Variants in TENM4 observed in about 807,000 individuals in gnomAD.
The protein encoded by TENM4 is teneurin-4.
In TENM4, 82 loss-of-function variants were observed where a neutral mutation model predicts 243.3. That is an observed-to-expected ratio of 0.34 (90% CI 0.28 to 0.40). TENM4 has a LOEUF of 0.40. Ranked by LOEUF, TENM4 falls within the 10% of genes least tolerant of loss-of-function variation. The pLI is 1.00. For synonymous variants in TENM4, 1,412 were observed against 1,456.3 expected, an observed-to-expected ratio of 0.97 and a Z score of 0.69; for missense variants, 3,138 against 3,673.3, an observed-to-expected ratio of 0.85 and a Z score of 3.77.
At chr11:79,009,708 G>A (rs1030372931) in intron 6 of TENM4, among the ~76,000 whole-genome samples, 1 of 152,192 alleles carries the variant, frequency 6.6e-6, no homozygotes, top group African/African-American at 2.4e-5. Context: ...AGAGAGGGCA[G>A]GGACTTGACC....
At chr11:78,993,657 C>T (rs981328273) in intron 6 of TENM4, among the ~76,000 whole-genome samples, 2 of 151,818 alleles carry the variant, frequency 1.3e-5, no homozygotes, top group Admixed American at 6.6e-5. Flanking sequence ...CTGTTAAACC[C>T]AACAGTGAAC....
At chr11:79,223,291 C>A (rs1864199811) in intron 2 of TENM4, among the ~76,000 whole-genome samples, 1 of 152,152 alleles carries the variant, frequency 6.6e-6, no homozygotes, top group Admixed American at 6.5e-5. Flanking sequence ...TGCTAAAAAG[C>A]AGCCTGATGA....
intron 12 of TENM4, among the ~76,000 whole-genome samples, chr11:78,817,228 A>T (rs1857625903): frequency 6.6e-6 from 1 of 151,584 alleles, no homozygotes; most frequent in Admixed American, 6.5e-5. Context: ...AGGTGGCGGC[A>T]TTTATAGCAG....
chr11:79,149,557 A>AC (rs1485820882), intron 3 of TENM4, among the ~76,000 whole-genome samples: 1 of 151,828 alleles, frequency 6.6e-6, no homozygotes, highest in Non-Finnish European at 1.5e-5. Context: ...GTTTTTAAAA[A>AC]ACATCTCATC....
At chr11:78,789,630 T>C (rs751890229) in intron 15 of TENM4, among the ~76,000 whole-genome samples, 5 of 152,028 alleles carry the variant, frequency 3.3e-5, no homozygotes, top group Non-Finnish European at 7.4e-5. Context: ...TGGTGGTTTA[T>C]GGTGTGAAAG....
intron 12 of TENM4, among the ~76,000 whole-genome samples, chr11:78,848,704 A>C (rs1858458608): frequency 5.3e-5 from 8 of 152,140 alleles, no homozygotes; most frequent in Admixed American, 5.2e-4. Flanking sequence ...TTTACCGTAT[A>C]AATCTTTCAT....
At chr11:79,415,581 T>C (rs934614084) in intron 1 of TENM4, among the ~76,000 whole-genome samples, 2 of 152,168 alleles carry the variant, frequency 1.3e-5, no homozygotes, top group African/African-American at 4.8e-5. Flanking sequence ...CTTAAGTAGC[T>C]TGCCCAAGGT....
At chr11:79,214,678 A>G (rs1864015737) in intron 3 of TENM4, among the ~76,000 whole-genome samples, 1 of 152,208 alleles carries the variant, frequency 6.6e-6, no homozygotes, top group Admixed American at 6.5e-5. Flanking sequence ...GAATCCCAGA[A>G]ATCAGGCAGG....
chr11:79,219,451 G>T (rs1864116869), intron 2 of TENM4, among the ~76,000 whole-genome samples: 1 of 152,216 alleles, frequency 6.6e-6, no homozygotes, highest in Admixed American at 6.5e-5. Flanking sequence ...AAGTGGAGTT[G>T]CCTGGGGGCA....
chr11:79,373,855 G>A (rs765201261), intron 1 of TENM4, among the ~76,000 whole-genome samples: 6 of 152,060 alleles, frequency 3.9e-5, no homozygotes, highest in Non-Finnish European at 8.8e-5. Flanking sequence ...TAAGTCAAAG[G>A]CAAATATATT....
At chr11:79,042,377 G>T (rs1245618605) in intron 6 of TENM4, among the ~76,000 whole-genome samples, 1 of 152,174 alleles carries the variant, frequency 6.6e-6, no homozygotes, top group Non-Finnish European at 1.5e-5. Context: ...AACCCCAAAT[G>T]TGATGGTATT....
At chr11:78,935,812 T>A in intron 6 of TENM4, among the ~76,000 whole-genome samples, 1 of 152,354 alleles carries the variant, frequency 6.6e-6, no homozygotes, top group African/African-American at 2.4e-5. Flanking sequence ...ATGGTTAACT[T>A]ATTTTTAAAA....
Position 78,702,172 on chromosome 11 carries a change from G to A in TENM4, c.4441C>T (p.Leu1481=), listed in dbSNP as rs374057696. 53 of 1,613,870 alleles carry A rather than the reference G, an allele frequency of 3.3e-5. No individual in the cohort carries two copies. The East Asian group carries it at 4.0e-4, about 12-fold the overall frequency. The change falls in exon 28 of 34, where the codon CTG becomes TTG. Residue 1481 remains leucine (L), a synonymous_variant. Coordinates refer to ENST00000278550, the MANE Select transcript of TENM4 (RefSeq NM_001098816.3). Reference sequence around the variant, plus strand: ...TTCTCATCAGTCTCAGCAATATACAGGACCCCATTGTGTGAAACAGCCAAA... The same window carrying A: ...TTCTCATCAGTCTCAGCAATATACAAGACCCCATTGTGTGAAACAGCCAAA... ...TALAVSHNGV[L]YIAETDEKKI...
chr11:79,334,131 G>A (rs1198945999), intron 1 of TENM4, among the ~76,000 whole-genome samples: 1 of 152,186 alleles, frequency 6.6e-6, no homozygotes, highest in Non-Finnish European at 1.5e-5. Flanking sequence ...TAAATGGAAT[G>A]AGAGCCCCAA....
At chr11:78,768,665 A>G (rs1468099810) in intron 18 of TENM4, among the ~76,000 whole-genome samples, 4 of 152,184 alleles carry the variant, frequency 2.6e-5, no homozygotes, top group South Asian at 4.1e-4. Flanking sequence ...ACATGCTCCA[A>G]AAATGCAAGT....
intron 3 of TENM4, among the ~76,000 whole-genome samples, chr11:79,162,971 G>T (rs1231743224): frequency 6.6e-6 from 1 of 152,244 alleles, no homozygotes; most frequent in East Asian, 1.9e-4. Flanking sequence ...CAGGCCCAAG[G>T]TGCGCTGCAG....
rs1857907983 is a variant in TENM4, at chr11:78,656,851, A to G, written c.*1207T>C. ...GTCCAGCTCTGCGATCAGCTGGTACATGGAGGCAGATGGGACTTTGGGAAC... is the reference window on the plus strand; with the variant it reads ...GTCCAGCTCTGCGATCAGCTGGTACGTGGAGGCAGATGGGACTTTGGGAAC... On this transcript the variant is annotated 3_prime_UTR_variant, in exon 34 of 34. Transcript: ENST00000278550. 1 of 395,912 alleles carries G rather than the reference A, an allele frequency of 2.5e-6. No individual in the cohort carries two copies. Among genetic ancestry groups the G allele is most frequent in the Non-Finnish European group, 4.4e-6 (1 of 224,860 alleles). 24.5% of individuals were successfully genotyped at this position (395,912 alleles called of 1,614,324 possible). A position where few individuals can be genotyped will look rare whatever the true frequency, so the allele number is the denominator to read the frequency against.
At chr11:78,973,309 C>A (rs772488376) in intron 6 of TENM4, among the ~76,000 whole-genome samples, 4 of 152,202 alleles carry the variant, frequency 2.6e-5, no homozygotes, top group Non-Finnish European at 4.4e-5. Flanking sequence ...TATGAGGGTG[C>A]CAATTTCTCC....
intron 3 of TENM4, among the ~76,000 whole-genome samples, chr11:79,163,793 A>G (rs1862813267): frequency 2.1e-5 from 1 of 47,154 alleles, no homozygotes; most frequent in Non-Finnish European, 4.5e-5. Flanking sequence ...ATATATATAC[A>G]CACACATATA....
Sources: gnomAD v4.1 joint callset for allele counts (sites outside exome capture counted in the v4.1 genomes callset) on GRCh38, gnomAD v4.1.1 for gene constraint, MANE v1.5 for transcripts, NCBI Gene and HGNC (gene_info 2026-07-23, HGNC 2026-07-21) for gene names.